RPS29: variants seen among roughly 807,000 people sequenced by gnomAD.
RPS29 encodes the protein ribosomal protein S29, also known as small ribosomal subunit protein uS14.
For missense variants in RPS29, 60 were observed against 75.7 expected, an observed-to-expected ratio of 0.79 and a Z score of 0.77; for synonymous variants, 37 against 26.9, an observed-to-expected ratio of 1.37 and a Z score of -1.16.
chr14:49,593,692 CA>C (rs10647593), intron 1 of RPS29, among the ~76,000 whole-genome samples: 12 of 56,302 alleles, frequency 2.1e-4, no homozygotes, highest in Non-Finnish European at 2.9e-4. Flanking sequence ...GACTCTGTCT[CA>C]AAAAAAAAAA....
In RPS29 at chr14:49,577,423, T is replaced by C. The variant is rs117122194; in HGVS notation, c.*389A>G. The C allele has an allele frequency of 1.6e-3, 556 of 353,026 alleles. 6 individuals carry two copies. The East Asian group carries it at 0.02, about 13-fold the overall frequency. 21.9% of individuals were successfully genotyped at this position (353,026 alleles called of 1,614,324 possible). A position where few individuals can be genotyped will look rare whatever the true frequency, so the allele number is the denominator to read the frequency against. On this transcript the variant is annotated 3_prime_UTR_variant, in exon 3 of 3. Coordinates refer to the RPS29 transcript ENST00000396020. ...ACTTTCTGCACTGTGCAGGCTGGCATTGGCATTGGTGACTCTGATGACCAC... is the reference window on the plus strand; with the variant it reads ...ACTTTCTGCACTGTGCAGGCTGGCACTGGCATTGGTGACTCTGATGACCAC...
chr14:49,590,466 A>C (rs1248910852), upstream of RPS29, among the ~76,000 whole-genome samples: 1 of 151,942 alleles, frequency 6.6e-6, no homozygotes, highest in African/African-American at 2.4e-5. Context: ...ACAGAGTGAG[A>C]TTCCGTCTCA....
At chr14:49,582,012 C>CCAAAAAAAAAAAAAAA (rs71115379), downstream of RPS29, among the ~76,000 whole-genome samples, 124 of 106,450 alleles carry the variant, frequency 1.2e-3, 6 homozygotes, top group African/African-American at 4.9e-3. Flanking sequence ...CCCTGCCCCC[C>CCAAAAAAAAAAAAAAA]AAAAAAAAAA....
At chr14:49,578,709 CA>C (rs1881256247), downstream of RPS29, among the ~76,000 whole-genome samples, 1 of 151,882 alleles carries the variant, frequency 6.6e-6, no homozygotes, top group Non-Finnish European at 1.5e-5. Flanking sequence ...TACAGGCGCA[CA>C]CCACCATGCT....
chr14:49,585,843 CAG>C (rs2139513652), intron 2 of RPS29, 105 bp downstream of exon 2: 1 of 829,616 alleles, frequency 1.2e-6, no homozygotes, highest in Non-Finnish European at 2.0e-6. Flanking sequence ...GTCGAATGCT[CAG>C]AATTACCACT....
chr14:49,575,913 A>G (rs1881166789), exon 3 of RPS29: 2 of 152,200 alleles, frequency 1.3e-5, no homozygotes, highest in South Asian at 4.1e-4. Flanking sequence ...AATGATAATT[A>G]CCTCATCTAG....
rs1881216877 is a variant in RPS29, at chr14:49,577,539, T to A, written c.*273A>T. On this transcript the variant is annotated 3_prime_UTR_variant, in exon 3 of 3. Transcript: ENST00000396020. The stretch of plus-strand genomic sequence containing the variant: ...AGTAAGATTTGTTGCTCACCAGCAG[T>A]ACTTCCAGCTCCTTAACGTTGTGGA... 1.5e-5 allele frequency: 9 copies of A among 592,460 alleles called. No homozygotes were observed. The South Asian group carries it at 1.6e-4, about 10-fold the overall frequency. 36.7% of individuals were successfully genotyped at this position (592,460 alleles called of 1,614,324 possible).
chr14:49,571,325 G>A (rs1881050697), exon 3 of RPS29: 1 of 152,192 alleles, frequency 6.6e-6, no homozygotes, highest in Non-Finnish European at 1.5e-5. Flanking sequence ...TTTGTTGTGT[G>A]ACATAGCGTG....
downstream of RPS29, among the ~76,000 whole-genome samples, chr14:49,580,508 C>G (rs1303103933): frequency 1.3e-5 from 2 of 152,178 alleles, no homozygotes; most frequent in African/African-American, 2.4e-5. Flanking sequence ...AACTTAAACT[C>G]CAGTATCCCT....
chr14:49,589,131 G>C (rs1881659119), upstream of RPS29, among the ~76,000 whole-genome samples: 1 of 151,886 alleles, frequency 6.6e-6, no homozygotes, highest in Non-Finnish European at 1.5e-5. Flanking sequence ...CTGACCTCAT[G>C]ATCCGCCCGC....
exon 1 of RPS29, chr14:49,598,618 G>T: frequency 1.4e-6 from 1 of 701,436 alleles, no homozygotes; most frequent in South Asian, 1.5e-5. Flanking sequence ...CTTCCCTCGG[G>T]AAACAGCGGC....
chr14:49,586,112 G>A, intron 1 of RPS29, 63 bp from the exon 2 acceptor site: 2 of 1,470,752 alleles, frequency 1.4e-6, no homozygotes, highest in Middle Eastern at 1.7e-4. Context: ...CACTCAGACG[G>A]CTACTACCCG....
chr14:49,581,215 CAA>C (rs1464062322), downstream of RPS29, among the ~76,000 whole-genome samples: 2 of 152,012 alleles, frequency 1.3e-5, no homozygotes, highest in Non-Finnish European at 1.5e-5. Context: ...AAAAAATTGG[CAA>C]AGATAATTTA....
At chr14:49,581,632 G>A (rs935513625), downstream of RPS29, among the ~76,000 whole-genome samples, 7 of 152,048 alleles carry the variant, frequency 4.6e-5, no homozygotes, top group Admixed American at 1.3e-4. Context: ...TCCCGCCTAG[G>A]CCTCCCCAAG....
intron 1 of RPS29, chr14:49,598,128 T>C (rs1881877187): frequency 4.9e-6 from 2 of 407,368 alleles, no homozygotes; most frequent in South Asian, 1.3e-4. Context: ...ATTACGGAAG[T>C]ATAACTCAGA....
exon 3 of RPS29, chr14:49,573,042 T>C (rs548947195): frequency 6.9e-6 from 1 of 145,492 alleles, no homozygotes; most frequent in African/African-American, 2.6e-5. Context: ...CACTCCAGCC[T>C]GCATGACACA....
chr14:49,592,473 T>G (rs1881736052), intron 1 of RPS29: 1 of 151,042 alleles, frequency 6.6e-6, no homozygotes, highest in Non-Finnish European at 1.5e-5. Context: ...GTTCAAGCGA[T>G]TCTCCTGCCT....
At chr14:49,585,552 C>A (rs1233722621) in intron 2 of RPS29, 28 of 273,736 alleles carry the variant, frequency 1.0e-4, no homozygotes, top group African/African-American at 5.4e-4. Context: ...CACTGCACTT[C>A]AACCTGGGCG....
At chr14:49,584,263 C>A (rs140431815) in intron 2 of RPS29, among the ~76,000 whole-genome samples, 4 of 152,272 alleles carry the variant, frequency 2.6e-5, no homozygotes, top group African/African-American at 7.2e-5. Context: ...AGGTGTGAGG[C>A]ACCTCGCCTG....
Sources: allele counts gnomAD v4.1 joint callset (sites outside exome capture counted in the v4.1 genomes callset), GRCh38; gene constraint gnomAD v4.1.1; transcripts MANE v1.5; gene names NCBI Gene and HGNC (gene_info 2026-07-23, HGNC 2026-07-21).